The following C1R variants were observed in gnomAD, a reference collection of about 807,000 sequenced individuals.
C1R encodes complement C1r subcomponent.
A neutral mutation model predicts 27.6 loss-of-function variants in C1R; 15 were observed. That is an observed-to-expected ratio of 0.54 (90% confidence interval 0.36 to 0.84). C1R has a LOEUF of 0.84. Ranked by LOEUF, C1R falls within the 40% of genes least tolerant of loss-of-function variation. C1R has a pLI of 0.01. For missense variants in C1R, 544 were observed against 577.9 expected (o/e 0.94, Z 0.60); for synonymous variants, 253 against 228.8 (o/e 1.11, Z -0.95).
intron 7 of C1R, chr12:7,087,036 T>C (rs1938167883): frequency 6.6e-6 from 1 of 152,230 alleles, no homozygotes; most frequent in South Asian, 2.1e-4. Context: ...GTCTTTGAAA[T>C]GAAAAGTTAC....
chr12:7,089,879 G>T, intron 3 of C1R, 146 bp from the exon 4 acceptor site: 1 of 711,616 alleles, frequency 1.4e-6, no homozygotes. Context: ...ATGCTCTCTG[G>T]GGACTGCTCC....
At position 7,091,086 on chromosome 12, in the gene C1R, C is replaced by T. The variant is rs1336746780; in HGVS notation, c.231+366G>A. On this transcript the variant is annotated intron_variant, in intron 2 of 10. Transcript: ENST00000647956. The surrounding 1 kb of genome is among the most constrained non-coding windows in gnomAD (Gnocchi z 5.1). ...AGCCCACATTTCTCCTCCTCATGTC[C>T]CTGTGTTCCTGTTGAAGCAGGCAGC... 1.4e-5 allele frequency: 4 copies of T among 286,306 alleles called. No homozygotes were observed. The highest frequency in any genetic ancestry group is 5.3e-5 in the Admixed American group (1 of 18,900). 17.7% of individuals were successfully genotyped at this position (286,306 alleles called of 1,614,324 possible). A position where few individuals can be genotyped will look rare whatever the true frequency, so the allele number is the denominator to read the frequency against.
Position 7,080,787 on chromosome 12 carries a change from C to T in C1R, c.1863G>A (p.Glu621=). 2 of 1,613,992 alleles carry T rather than the reference C, an allele frequency of 1.2e-6. No individual in the cohort carries two copies. The highest frequency in any genetic ancestry group is 1.7e-6 in the Non-Finnish European group (2 of 1,179,886). The change falls in exon 11 of 11, where the codon GAG becomes GAA. Residue 621 remains glutamate (E), a synonymous_variant. Transcript: ENST00000647956. This position sits in a 1 kb window ranked among gnomAD's most constrained non-coding sequence, Gnocchi z 4.9. ...TCCTATTCTTTCCCCGGAGCCAGTT[C>T]TCACAGGCCTGTGGATTAGCTACGG... ...RLPVANPQAC[E]NWLRGKNRMD... is the part of the protein sequence containing the mutation.
Position 7,080,579 on chromosome 12 carries a change from G to A in C1R, c.2071C>T (p.Leu691Phe), listed in dbSNP as rs1938036021. The A allele has an allele frequency of 1.4e-5, 23 of 1,603,226 alleles. No individual in the cohort carries two copies. The highest frequency in any genetic ancestry group is 2.0e-5 in the Non-Finnish European group (23 of 1,173,054). The change falls in exon 11 of 11, where the codon CTC becomes TTC. Residue 691 changes from leucine (L) to phenylalanine (F), a missense_variant. Transcript: ENST00000647956. This position sits in a 1 kb window ranked among gnomAD's most constrained non-coding sequence, Gnocchi z 4.9. ...TTCTTGATCCAGTCCACGTAGTTGA[G>A]CACTTTGGTGTAGAAGCCATAGCCC... The part of the protein sequence containing the change: ...SRGYGFYTKV[L>F]NYVDWIKKEM...
rs1276354479 is a variant in C1R at position 7,090,312 on chromosome 12, A to G, written c.232-64T>C. ...TGCGGAGTGGCGCACGTGGTGGCTC[A>G]GTGATGGTCCTCCTTGTCTCGCCCA... On this transcript the variant is annotated intron_variant, in intron 2 of 10. Coordinates refer to ENST00000647956, the MANE Select transcript of C1R (RefSeq NM_001733.7). 5.9e-6 allele frequency: 4 copies of G among 679,644 alleles called. No homozygotes were observed. In the East Asian group the frequency reaches 1.1e-4, roughly 18 times the overall value. The allele number at this position is 679,644 out of a possible 1,614,324, so 42.1% of individuals were successfully genotyped here.
chr12:7,086,663 A>T, intron 7 of C1R: 1 of 378,834 alleles, frequency 2.6e-6, no homozygotes. Flanking sequence ...ATTGAGCCAC[A>T]CCACAGCAAG....
chr12:7,082,183 G>C (rs1938076528), intron 9 of C1R, 77 bp from the exon 10 acceptor site: 1 of 805,478 alleles, frequency 1.2e-6, no homozygotes, highest in South Asian at 1.4e-5. Flanking sequence ...AGCAAGTACT[G>C]AGTGTGCTTG....
chr12:7,089,740 G>A lies in C1R; in HGVS notation c.425-7C>T, dbSNP rs767184697. The A allele has an allele frequency of 7.7e-6, 6 of 780,428 alleles. No homozygotes were observed. The highest frequency in any genetic ancestry group is 1.4e-5 in the Non-Finnish European group (6 of 417,820). The allele number at this position is 780,428 out of a possible 1,614,324, so 48.3% of individuals were successfully genotyped here. A position where few individuals can be genotyped will look rare whatever the true frequency, so the allele number is the denominator to read the frequency against. On this transcript the variant is annotated splice_region_variant and splice_polypyrimidine_tract_variant and intron_variant, in intron 3 of 10. Coordinates refer to ENST00000647956, the MANE Select transcript of C1R (RefSeq NM_001733.7). ...GAAGCACATTCATCAAGGTCTGGAA[G>A]GCATTCAGGAAGGAGGGTTAAGCTT... is the stretch of plus-strand genomic sequence containing the variant.
chr12:7,088,957 C>T lies in C1R; in HGVS notation c.798G>A (p.Glu266=), dbSNP rs1938202998. The change falls in exon 6 of 11, where the codon GAG becomes GAA. Residue 266 remains glutamate (E), a synonymous_variant. Transcript: ENST00000647956. ...QIYANGKNIG[E]FCGKQRPPDL... is the part of the protein sequence containing the mutation. Reference sequence around the variant, plus strand: ...CGGGGGGCCTTTGCTTCCCACAGAACTCGCCAATGTTCTTCCCGTTGGCAT... The same window carrying T: ...CGGGGGGCCTTTGCTTCCCACAGAATTCGCCAATGTTCTTCCCGTTGGCAT... The T allele has an allele frequency of 1.3e-6, 1 of 752,574 alleles. No homozygotes were observed. The highest frequency in any genetic ancestry group is 1.7e-5 in the African/African-American group (1 of 58,342). 46.6% of individuals were successfully genotyped at this position (752,574 alleles called of 1,614,324 possible).
chr12:7,081,027 G>A lies in C1R; in HGVS notation c.1623C>T (p.Ser541=), dbSNP rs1159331284. 2.0e-5 allele frequency: 32 copies of A among 1,613,908 alleles called. No individual in the cohort carries two copies. The highest frequency in any genetic ancestry group is 4.0e-5 in the African/African-American group (3 of 74,924). ...KLGNHPIRRV[S]VHPDYRQDES... Reference sequence around the variant, plus strand: ...CATCCTGACGGTAGTCCGGGTGGACGCTGACCCTGCGGATGGGGTGATTTC... The same window carrying A: ...CATCCTGACGGTAGTCCGGGTGGACACTGACCCTGCGGATGGGGTGATTTC... The change falls in exon 11 of 11, where the codon AGC becomes AGT. Residue 541 remains serine (S), a synonymous_variant. Coordinates refer to ENST00000647956, the MANE Select transcript of C1R (RefSeq NM_001733.7).
intron 9 of C1R, among the ~76,000 whole-genome samples, chr12:7,085,135 G>A (rs2135740357): frequency 1.3e-5 from 2 of 149,648 alleles, no homozygotes; most frequent in South Asian, 4.3e-4. Flanking sequence ...TGGTGATGGT[G>A]GTGATGATGG....
chr12:7,081,357 C>A (rs947043230), intron 10 of C1R, 56 bp from the exon 11 acceptor site: 2 of 1,492,284 alleles, frequency 1.3e-6, no homozygotes, highest in African/African-American at 1.4e-5. Context: ...CACATCTCTT[C>A]CTTCTGCAGC....
chr12:7,092,400 C>A lies in C1R; in HGVS notation c.-12G>T, dbSNP rs754756570. 1 of 780,844 alleles carries A rather than the reference C, an allele frequency of 1.3e-6. No homozygotes were observed. The highest frequency in any genetic ancestry group is 2.4e-6 in the Non-Finnish European group (1 of 417,974). 48.4% of individuals were successfully genotyped at this position (780,844 alleles called of 1,614,324 possible). The stretch of plus-strand genomic sequence containing the variant: ...ACCCTTACTCACATTTCTCAAGGCC[C>A]GTGTTGAATCCTGGGCTCTCCCGAC... On this transcript the variant is annotated 5_prime_UTR_variant, in exon 1 of 11. Coordinates refer to ENST00000647956, the MANE Select transcript of C1R (RefSeq NM_001733.7).
chr12:7,090,870 T>C (rs755537880), intron 2 of C1R, among the ~76,000 whole-genome samples: 5 of 152,332 alleles, frequency 3.3e-5, no homozygotes, highest in African/African-American at 9.6e-5. Context: ...GCCATTGTCA[T>C]GTAATTCACG....
At chr12:7,090,941 G>A (rs1242276643) in intron 2 of C1R, among the ~76,000 whole-genome samples, 2 of 152,180 alleles carry the variant, frequency 1.3e-5, no homozygotes, top group African/African-American at 2.4e-5. Flanking sequence ...CTCTGCTTGA[G>A]CCCTGAATCT....
intron 7 of C1R, among the ~76,000 whole-genome samples, chr12:7,088,105 C>T (rs764943256): frequency 9.2e-5 from 14 of 152,252 alleles, no homozygotes; most frequent in Admixed American, 9.2e-4. Context: ...TAGTCCCTGC[C>T]GTACACAATC....
chr12:7,086,587 A>G (rs1279497265), intron 7 of C1R, 130 bp from the exon 8 acceptor site: 3 of 389,592 alleles, frequency 7.7e-6, no homozygotes, highest in Non-Finnish European at 1.4e-5. Flanking sequence ...TGGCTCCCCC[A>G]TGGATGTGGC....
Position 7,080,750 on chromosome 12 carries a change from A to G in C1R, c.1900T>C (p.Ser634Pro), listed in dbSNP as rs1404271497. Reference sequence around the variant, plus strand: ...TGTCCAGCACAGAACATGTTTTGAGAGAACACATCCATCCTATTCTTTCCC... The same window carrying G: ...TGTCCAGCACAGAACATGTTTTGAGGGAACACATCCATCCTATTCTTTCCC... ...LRGKNRMDVF[S>P]QNMFCAGHPS... The change falls in exon 11 of 11, where the codon TCT (serine) becomes CCT (proline). Residue 634 changes from serine to proline, a missense_variant. Ser to Pro is a moderately conservative substitution (Grantham distance 74, BLOSUM62 -1). This residue lies in a region of C1R where 253 missense variants were observed against 368.9 expected (regional missense o/e 0.69). Coordinates refer to ENST00000647956, the MANE Select transcript of C1R (RefSeq NM_001733.7). The surrounding 1 kb of genome is among the most constrained non-coding windows in gnomAD (Gnocchi z 4.9). The G allele has an allele frequency of 6.2e-7, 1 of 1,613,988 alleles. No homozygotes were observed.
At chr12:7,089,943 GAGGAACA>G (rs1183389027) in intron 3 of C1R, 106 bp downstream of exon 3, 3 of 699,434 alleles carry the variant, frequency 4.3e-6, no homozygotes, top group Non-Finnish European at 8.0e-6. Flanking sequence ...CTCTCGAGGG[GAGGAACA>G]AGGAAAGCCA....
Sources: gnomAD v4.1 joint callset for allele counts (sites outside exome capture counted in the v4.1 genomes callset) on GRCh38, gnomAD v4.1.1 for gene constraint, gnomAD v4.1.1 regional missense constraint, Gnocchi (gnomAD v3.1) non-coding constraint, MANE v1.5 for transcripts, NCBI Gene and HGNC (gene_info 2026-07-23, HGNC 2026-07-21) for gene names.